PABPC4: variants seen among roughly 807,000 people sequenced by gnomAD.
PABPC4 encodes the protein poly(A) binding protein cytoplasmic 4.
PABPC4 carries 15 observed loss-of-function variants against 74.5 expected under a neutral mutation model. That is an observed-to-expected ratio of 0.20 (90% CI 0.13 to 0.31). PABPC4 has a LOEUF of 0.31. PABPC4 is among the 10% of genes least tolerant of loss of function. The pLI is 1.00. For missense variants in PABPC4, 610 were observed against 853.5 expected (o/e 0.71, Z 3.55); for synonymous variants, 345 against 303.0 (o/e 1.14, Z -1.44).
At position 39,560,876 on chromosome 1, in the gene PABPC4, C is replaced by A; in HGVS notation, c.*260G>T. 4.9e-6 allele frequency: 1 copy of A among 202,464 alleles called. No homozygotes were observed. The highest frequency in any genetic ancestry group is 1.1e-5 in the Non-Finnish European group (1 of 94,934). The allele number at this position is 202,464 out of a possible 1,614,324, so 12.5% of individuals were successfully genotyped here. On this transcript the variant is annotated 3_prime_UTR_variant, in exon 16 of 16. Transcript: ENST00000372858. ...AAGACTTGGGTACATCAAATAAAACCAATTTCTGGGGGAAAAAATCAAAAC... is the reference window on the plus strand; with the variant it reads ...AAGACTTGGGTACATCAAATAAAACAAATTTCTGGGGGAAAAAATCAAAAC...
At chr1:39,570,651 G>C (rs1166335283) in intron 3 of PABPC4, 2 of 156,312 alleles carry the variant, frequency 1.3e-5, no homozygotes, top group African/African-American at 4.8e-5. Context: ...GCATTCTACA[G>C]TAACAACCAC....
intron 1 of PABPC4, among the ~76,000 whole-genome samples, chr1:39,575,501 G>A (rs1255404199): frequency 1.3e-5 from 2 of 152,186 alleles, no homozygotes; most frequent in Non-Finnish European, 2.9e-5. Flanking sequence ...CTGTTTTACA[G>A]TCTCCTTGGT....
At chr1:39,565,453 G>C in intron 7 of PABPC4, 75 bp from the exon 8 acceptor site, 1 of 1,490,628 alleles carries the variant, frequency 6.7e-7, no homozygotes, top group Non-Finnish European at 9.1e-7. Context: ...TGTAATCCCA[G>C]CACTTTGGAA....
At position 39,569,704 on chromosome 1, in the gene PABPC4, C is replaced by T; in HGVS notation, c.644-15G>A. 1 of 1,603,816 alleles carries T rather than the reference C, an allele frequency of 6.2e-7. No individual in the cohort carries two copies. Among genetic ancestry groups the T allele is most frequent in the East Asian group, 2.2e-5 (1 of 44,826 alleles). On this transcript the variant is annotated splice_polypyrimidine_tract_variant and intron_variant, in intron 4 of 15. Coordinates refer to ENST00000372858, the MANE Select transcript of PABPC4 (RefSeq NM_001135653.2). Reference sequence around the variant, plus strand: ...TAGGGTCTTACCTATTACCAAAGGACAGAACTATTAGTAACACCATCTTGA... The same window carrying T: ...TAGGGTCTTACCTATTACCAAAGGATAGAACTATTAGTAACACCATCTTGA...
intron 8 of PABPC4, 128 bp from the exon 9 acceptor site, chr1:39,564,901 G>A (rs1339509051): frequency 1.1e-5 from 10 of 884,220 alleles, no homozygotes; most frequent in Non-Finnish European, 1.8e-5. Context: ...CAAGAGCTGA[G>A]GGGTCAGCTA....
At chr1:39,564,593 C>CT (rs1645808581) in intron 9 of PABPC4, 51 bp from the exon 10 acceptor site, 1 of 1,612,374 alleles carries the variant, frequency 6.2e-7, no homozygotes, top group African/African-American at 1.3e-5. Flanking sequence ...GGACCAGAAC[C>CT]TAGGCTGTGC....
At chr1:39,568,487 C>G (rs746484000) in intron 6 of PABPC4, 9 of 253,660 alleles carry the variant, frequency 3.5e-5, no homozygotes, top group Middle Eastern at 2.4e-3. Context: ...TCACCCACCC[C>G]AGCAGGGGTC....
rs139185037 is a variant in PABPC4 at position 39,564,488 on chromosome 1, C to T, written c.1388G>A (p.Arg463His). 9 of 1,614,044 alleles carry T rather than the reference C, an allele frequency of 5.6e-6. No individual in the cohort carries two copies. The highest frequency in any genetic ancestry group is 4.0e-5 in the African/African-American group (3 of 74,912). Reference protein sequence around the residue: ...IRQSGPRPTLRHLAPTGNAPA... With the variant: ...IRQSGPRPTLHHLAPTGNAPA... ...AGCATTACCAGTTGGAGCCAGATGG[C>T]GAAGAGTTGGACGAGGCCCAGACTG... The change falls in exon 10 of 16, where the codon CGC (arginine) becomes CAC (histidine). Residue 463 changes from arginine to histidine, a missense_variant. Transcript: ENST00000372858.
chr1:39,569,459 A>G (rs1645903914), intron 5 of PABPC4, 136 bp downstream of exon 5: 1 of 669,022 alleles, frequency 1.5e-6, no homozygotes, highest in African/African-American at 1.8e-5. Flanking sequence ...CAGGAAGATG[A>G]TCCCAGAGTA....
chr1:39,562,026 C>T (rs778202043), intron 14 of PABPC4, 47 bp downstream of exon 14: 1 of 1,595,718 alleles, frequency 6.3e-7, no homozygotes, highest in East Asian at 2.2e-5. Context: ...TGCCCCCAGT[C>T]TTCCCAAGCT....
Position 39,571,364 on chromosome 1 carries a change from G to C in PABPC4, c.388-15C>G. Reference sequence around the variant, plus strand: ...TCACACACCACCTGTCAAAGACAAGGCGGACCACTTTAGCAGAACTGGCCA... The same window carrying C: ...TCACACACCACCTGTCAAAGACAAGCCGGACCACTTTAGCAGAACTGGCCA... On this transcript the variant is annotated splice_polypyrimidine_tract_variant and intron_variant, in intron 2 of 15. Coordinates refer to ENST00000372858, the MANE Select transcript of PABPC4 (RefSeq NM_001135653.2). The C allele has an allele frequency of 6.2e-7, 1 of 1,613,912 alleles. No homozygotes were observed.
chr1:39,576,107 G>C lies in PABPC4; in HGVS notation c.-156C>G. 1 of 533,056 alleles carries C rather than the reference G, an allele frequency of 1.9e-6. No individual in the cohort carries two copies. Among genetic ancestry groups the C allele is most frequent in the Non-Finnish European group, 3.3e-6 (1 of 307,492 alleles). The allele number at this position is 533,056 out of a possible 1,614,324, so 33.0% of individuals were successfully genotyped here. On this transcript the variant is annotated 5_prime_UTR_variant, in exon 1 of 16. Coordinates refer to ENST00000372858, the MANE Select transcript of PABPC4 (RefSeq NM_001135653.2). ...GCTGGAGTCGGCGGGCTTGGAGACG[G>C]GACGGAAACGGGAGGCGGGGGCCGG...
At chr1:39,563,305 T>A (rs759740221) in intron 12 of PABPC4, 5 of 315,266 alleles carry the variant, frequency 1.6e-5, no homozygotes, top group Non-Finnish European at 3.0e-5. Flanking sequence ...ATCCAATAGG[T>A]CATTGGATGC....
Position 39,560,908 on chromosome 1 carries a change from T to TA in PABPC4, c.*227dup, listed in dbSNP as rs371224011. ...TGGGGGAAAAAATCAAAACCCACAA[T>TA]AAAAAAAAAGTTAACACTGTCTGGG... On this transcript the variant is annotated 3_prime_UTR_variant, in exon 16 of 16. Coordinates refer to ENST00000372858, the MANE Select transcript of PABPC4 (RefSeq NM_001135653.2). The TA allele has an allele frequency of 6.3e-4, 123 of 194,428 alleles. No individual in the cohort carries two copies. Among genetic ancestry groups the TA allele is most frequent in the Middle Eastern group, 2.4e-3 (1 of 416 alleles). The allele number at this position is 194,428 out of a possible 1,614,324, so 12.0% of individuals were successfully genotyped here. A position where few individuals can be genotyped will look rare whatever the true frequency, so the allele number is the denominator to read the frequency against.
At chr1:39,571,684 T>C (rs1645942676) in intron 2 of PABPC4, 1 of 482,080 alleles carries the variant, frequency 2.1e-6, no homozygotes, top group Non-Finnish European at 4.1e-6. Flanking sequence ...AGCCAGATCG[T>C]TGGACAATGG....
chr1:39,573,617 G>C (rs1029385720), intron 1 of PABPC4, among the ~76,000 whole-genome samples: 1 of 152,150 alleles, frequency 6.6e-6, no homozygotes, highest in Non-Finnish European at 1.5e-5. Flanking sequence ...TCAGGAGTTC[G>C]AGACCAGCCT....
rs1646020394 is a variant in PABPC4, at chr1:39,575,988, G to GA, written c.-38dup. The GA allele has an allele frequency of 1.4e-6, 2 of 1,395,692 alleles. No individual in the cohort carries two copies. The highest frequency in any genetic ancestry group is 2.9e-5 in the African/African-American group (2 of 68,054). The allele number at this position is 1,395,692 out of a possible 1,614,324, so 86.5% of individuals were successfully genotyped here. The stretch of plus-strand genomic sequence containing the variant: ...CCACCACCCCGAGCCCCGCCAGGAG[G>GA]ACTTCTTATCGGGCCCGCCGCAGGA... On this transcript the variant is annotated 5_prime_UTR_variant, in exon 1 of 16. Coordinates refer to ENST00000372858, the MANE Select transcript of PABPC4 (RefSeq NM_001135653.2).
intron 5 of PABPC4, 125 bp downstream of exon 5, chr1:39,569,470 T>C (rs1281906354): frequency 4.2e-6 from 3 of 714,318 alleles, no homozygotes; most frequent in East Asian, 5.0e-5. Context: ...TCCCAGAGTA[T>C]AGTAATGGTA....
intron 7 of PABPC4, among the ~76,000 whole-genome samples, chr1:39,565,882 A>C (rs1261209536): frequency 6.6e-6 from 1 of 151,800 alleles, no homozygotes; most frequent in Non-Finnish European, 1.5e-5. Context: ...CAACCAACCA[A>C]ACCAACAAAA....
Sources: allele counts gnomAD v4.1 joint callset (sites outside exome capture counted in the v4.1 genomes callset), GRCh38; gene constraint gnomAD v4.1.1; transcripts MANE v1.5; gene names NCBI Gene and HGNC (gene_info 2026-07-23, HGNC 2026-07-21).